The following TYR variants were observed in gnomAD, a reference collection of about 807,000 sequenced individuals.
The protein encoded by TYR is tyrosinase.
TYR carries 58 observed loss-of-function variants against 51.5 expected under a neutral mutation model. The ratio of observed to expected loss-of-function variants is 1.13; its 90% confidence interval spans 0.91 to 1.40. The LOEUF (loss-of-function observed/expected upper bound fraction) is 1.40. TYR is among the 40% of genes most tolerant of loss of function. The pLI, the probability that TYR is intolerant of heterozygous loss-of-function variation, is 0.00. For synonymous variants in TYR, 263 were observed against 235.2 expected (o/e 1.12, Z -1.08); for missense variants, 732 against 647.4 (o/e 1.13, Z -1.42).
chr11:89,248,315 A>G (rs1262493037), intron 3 of TYR, among the ~76,000 whole-genome samples: 1 of 152,222 alleles, frequency 6.6e-6, no homozygotes, highest in Non-Finnish European at 1.5e-5. Flanking sequence ...GTTAAGCACT[A>G]TGATGTGATA....
At chr11:89,218,566 G>A (rs977897327) in intron 2 of TYR, among the ~76,000 whole-genome samples, 13 of 152,162 alleles carry the variant, frequency 8.5e-5, no homozygotes, top group Admixed American at 8.5e-4. Flanking sequence ...AGAAGAAAAG[G>A]AGGAAAATTG....
chr11:89,186,181 A>G (rs1041380830), intron 1 of TYR, among the ~76,000 whole-genome samples: 1 of 152,182 alleles, frequency 6.6e-6, no homozygotes, highest in Non-Finnish European at 1.5e-5. Context: ...GGATGTGAGC[A>G]CATGGAGAAT....
rs1275276163 is a variant in TYR, at chr11:89,177,967, T to C, written c.14T>C (p.Val5Ala). 1.2e-6 allele frequency: 2 copies of C among 1,614,098 alleles called. No homozygotes were observed. Among genetic ancestry groups the C allele is most frequent in the South Asian group, 1.1e-5 (1 of 91,080 alleles). ...ACTAGAGGAAGAATGCTCCTGGCTG[T>C]TTTGTACTGCCTGCTGTGGAGTTTC... MLLA[V>A]LYCLLWSFQT... The change falls in exon 1 of 5, where the codon GTT becomes GCT. Residue 5 changes from valine to alanine, a missense_variant. Val to Ala is a moderately conservative substitution (Grantham distance 64). Transcript: ENST00000263321.
intron 2 of TYR, among the ~76,000 whole-genome samples, chr11:89,213,533 A>G (rs1943790682): frequency 6.6e-6 from 1 of 152,214 alleles, no homozygotes; most frequent in Non-Finnish European, 1.5e-5. Flanking sequence ...TACAGATCCA[A>G]TGCTATCCCC....
chr11:89,288,183 G>A (rs1288297513), intron 4 of TYR, among the ~76,000 whole-genome samples: 1 of 151,872 alleles, frequency 6.6e-6, no homozygotes, highest in Non-Finnish European at 1.5e-5. Flanking sequence ...ATCCTAATGC[G>A]AGAGACATCA....
At chr11:89,225,659 T>C (rs1300082188) in intron 2 of TYR, among the ~76,000 whole-genome samples, 1 of 151,866 alleles carries the variant, frequency 6.6e-6, no homozygotes, top group African/African-American at 2.4e-5. Context: ...CAAATAATTA[T>C]GGTGGATACA....
chr11:89,219,657 TA>T (rs965430274), intron 2 of TYR, among the ~76,000 whole-genome samples: 1 of 152,020 alleles, frequency 6.6e-6, no homozygotes, highest in Non-Finnish European at 1.5e-5. Context: ...TACAATCTAG[TA>T]AAAAAATTAA....
chr11:89,289,392 T>C (rs1036194093), intron 4 of TYR, among the ~76,000 whole-genome samples: 5 of 152,002 alleles, frequency 3.3e-5, no homozygotes, highest in African/African-American at 1.2e-4. Flanking sequence ...CTAGGATGGA[T>C]TGCCATCAAC....
chr11:89,189,086 A>C (rs1375868676), intron 1 of TYR, among the ~76,000 whole-genome samples: 1 of 152,032 alleles, frequency 6.6e-6, no homozygotes, highest in East Asian at 1.9e-4. Context: ...TACTTTTAAA[A>C]ATTTTTTAAT....
At chr11:89,192,697 G>A (rs530311730) in intron 2 of TYR, among the ~76,000 whole-genome samples, 1 of 152,106 alleles carries the variant, frequency 6.6e-6, no homozygotes, top group East Asian at 1.9e-4. Context: ...TAGAAATTAG[G>A]TTTATTCTTC....
intron 2 of TYR, among the ~76,000 whole-genome samples, chr11:89,204,303 G>A (rs945073374): frequency 2.6e-5 from 4 of 152,184 alleles, no homozygotes; most frequent in African/African-American, 9.6e-5. Context: ...GAGCCAGGTC[G>A]GTGGGGAACT....
At chr11:89,195,980 C>T (rs1003077527) in intron 2 of TYR, among the ~76,000 whole-genome samples, 3 of 152,066 alleles carry the variant, frequency 2.0e-5, no homozygotes, top group African/African-American at 7.2e-5. Context: ...ATCAAACTGA[C>T]TAGGATTACA....
chr11:89,178,742 C>G lies in TYR; in HGVS notation c.789C>G (p.Leu263=). ...GGQHPTNPNL[L]SPASFFSSWQ... ...AGCACCCCACAAATCCTAACTTACT[C>G]AGCCCAGCATCATTCTTCTCCTCTT... The change falls in exon 1 of 5, where the codon CTC becomes CTG. Residue 263 remains leucine, a synonymous_variant. Coordinates refer to ENST00000263321, the MANE Select transcript of TYR (RefSeq NM_000372.5). 1 of 1,614,116 alleles carries G rather than the reference C, an allele frequency of 6.2e-7. No homozygotes were observed. The highest frequency in any genetic ancestry group is 1.6e-4 in the Middle Eastern group (1 of 6,062).
chr11:89,289,124 G>A lies in TYR; in HGVS notation c.1366+4170G>A, dbSNP rs563276999. Among the ~76,000 whole-genome samples, 9 of 152,062 alleles carry A rather than the reference G, an allele frequency of 5.9e-5. No individual in the cohort carries two copies. In the South Asian group the frequency reaches 1.9e-3, roughly 32 times the overall value. On this transcript the variant is annotated intron_variant, in intron 4 of 4. Transcript: ENST00000263321. ...AGGCCAAAAATCTTTGGCAAAGAAG[G>A]GTTATGTCTTCAATGTTGTTGATAA...
At chr11:89,184,491 T>C (rs1015340288) in intron 1 of TYR, among the ~76,000 whole-genome samples, 1 of 152,164 alleles carries the variant, frequency 6.6e-6, no homozygotes, top group East Asian at 1.9e-4. Flanking sequence ...GTAGTGGGTA[T>C]TGCTTCAGAA....
At chr11:89,218,690 G>A (rs974449123) in intron 2 of TYR, among the ~76,000 whole-genome samples, 5 of 151,996 alleles carry the variant, frequency 3.3e-5, no homozygotes, top group African/African-American at 1.2e-4. Context: ...AACTTTTCAC[G>A]TCCATTATCT....
chr11:89,261,135 A>C (rs1944451930), intron 3 of TYR, among the ~76,000 whole-genome samples: 1 of 152,184 alleles, frequency 6.6e-6, no homozygotes, highest in Admixed American at 6.5e-5. Flanking sequence ...TCAACACAAA[A>C]GAAGGCAGTA....
intron 3 of TYR, among the ~76,000 whole-genome samples, chr11:89,228,230 C>T (rs1258963166): frequency 2.0e-5 from 3 of 152,104 alleles, no homozygotes; most frequent in African/African-American, 4.8e-5. Flanking sequence ...TGTACAATGT[C>T]AGTTGAAATC....
intron 2 of TYR, among the ~76,000 whole-genome samples, chr11:89,226,241 G>C (rs1418022820): frequency 6.6e-6 from 1 of 152,024 alleles, no homozygotes; most frequent in Non-Finnish European, 1.5e-5. Flanking sequence ...ACTAAAACAG[G>C]CATCTGCTCT....
Sources: allele counts gnomAD v4.1 joint callset (sites outside exome capture counted in the v4.1 genomes callset), GRCh38; gene constraint gnomAD v4.1.1; transcripts MANE v1.5; gene names NCBI Gene and HGNC (gene_info 2026-07-23, HGNC 2026-07-21).